The following DENND4A variants were observed in gnomAD, a reference collection of about 807,000 sequenced individuals.
DENND4A encodes DENN domain containing 4A, also known as C-myc promoter-binding protein.
In DENND4A, 70 loss-of-function variants were observed where a neutral mutation model predicts 199.3. The ratio of observed to expected loss-of-function variants is 0.35; its 90% CI spans 0.29 to 0.43. DENND4A has a LOEUF of 0.43. DENND4A is among the 20% of genes least tolerant of loss of function. DENND4A has a pLI of 1.00. For synonymous variants in DENND4A, 686 were observed against 766.9 expected (o/e 0.89, Z 1.74); for missense variants, 1,723 against 2,255.8 (o/e 0.76, Z 4.78).
rs780618494 is a variant in DENND4A, at chr15:65,691,142, C to A, written c.3452G>T (p.Gly1151Val). 2 of 1,613,332 alleles carry A rather than the reference C, an allele frequency of 1.2e-6. No individual in the cohort carries two copies. The highest frequency in any genetic ancestry group is 1.7e-6 in the Non-Finnish European group (2 of 1,179,716). The change falls in exon 23 of 33, where the codon GGT (glycine) becomes GTT (valine). Residue 1151 changes from glycine (G) to valine (V), a missense_variant. Gly to Val is a moderately radical substitution (Grantham distance 109). Coordinates refer to ENST00000443035, the MANE Select transcript of DENND4A (RefSeq NM_001320835.1). ...ESSDDDTPFDGSNYLADKVDS... is the reference protein window; with the variant it reads ...ESSDDDTPFDVSNYLADKVDS... The stretch of plus-strand genomic sequence containing the variant: ...CACTTTATCTGCCAAATAGTTAGAA[C>A]CATCAAAAGGTGTATCATCATCACT...
chr15:65,674,586 C>T (rs2076315497), intron 24 of DENND4A, among the ~76,000 whole-genome samples: 1 of 151,980 alleles, frequency 6.6e-6, no homozygotes, highest in Admixed American at 6.6e-5. Flanking sequence ...GATCCCATCT[C>T]TACAAAAAAA....
At chr15:65,733,765 T>C (rs988659187) in intron 7 of DENND4A, among the ~76,000 whole-genome samples, 72 of 152,354 alleles carry the variant, frequency 4.7e-4, no homozygotes, top group African/African-American at 1.7e-3. Flanking sequence ...CTTGAGATTC[T>C]GTTAATCTAT....
At chr15:65,664,985 A>T (rs1165288655) in intron 30 of DENND4A, 1 of 463,512 alleles carries the variant, frequency 2.2e-6, no homozygotes, top group Non-Finnish European at 3.7e-6. Flanking sequence ...GAAAATTCTA[A>T]ATCAGCAGCC....
At chr15:65,684,184 C>T (rs999837380) in intron 23 of DENND4A, among the ~76,000 whole-genome samples, 2 of 152,194 alleles carry the variant, frequency 1.3e-5, no homozygotes, top group African/African-American at 4.8e-5. Context: ...TGATTATTCA[C>T]ATAAAATCTT....
chr15:65,691,639 GATACT>G (rs2076973359), intron 22 of DENND4A, 128 bp from the exon 23 acceptor site: 2 of 936,426 alleles, frequency 2.1e-6, no homozygotes, highest in East Asian at 2.7e-5. Flanking sequence ...CTATTTGACA[GATACT>G]ATACTAAACA....
chr15:65,706,783 A>C (rs2075076973), intron 14 of DENND4A, among the ~76,000 whole-genome samples: 1 of 152,296 alleles, frequency 6.6e-6, no homozygotes, highest in East Asian at 1.9e-4. Flanking sequence ...CGTGAGCCAC[A>C]GCGCCCGGCC....
At chr15:65,719,159 T>A (rs895362457) in intron 12 of DENND4A, 7 of 151,958 alleles carry the variant, frequency 4.6e-5, no homozygotes, top group African/African-American at 1.7e-4. Context: ...TTTTATATAA[T>A]ACATATATAT....
In DENND4A at chr15:65,738,699, A is replaced by C. The variant is rs1385743164; in HGVS notation, c.801+7T>G. Reference sequence around the variant, plus strand: ...TTTGTAGATACAATTTGTCAAACACATAATACCTTTTCAGCTGAGGCTCCA... The same window carrying C: ...TTTGTAGATACAATTTGTCAAACACCTAATACCTTTTCAGCTGAGGCTCCA... On this transcript the variant is annotated splice_region_variant and intron_variant, in intron 6 of 32. Transcript: ENST00000443035. 6.2e-7 allele frequency: 1 copy of C among 1,606,670 alleles called. No homozygotes were observed. Among genetic ancestry groups the C allele is most frequent in the African/African-American group, 1.3e-5 (1 of 74,648 alleles).
intron 11 of DENND4A, chr15:65,727,770 T>C: frequency 2.9e-6 from 1 of 339,084 alleles, no homozygotes; most frequent in Non-Finnish European, 5.6e-6. Context: ...TCCTCTTCCC[T>C]GAATAGATTA....
intron 11 of DENND4A, among the ~76,000 whole-genome samples, chr15:65,726,646 G>A (rs1314386579): frequency 1.3e-5 from 2 of 152,180 alleles, no homozygotes; most frequent in African/African-American, 4.8e-5. Flanking sequence ...TGTGACATGT[G>A]ACAAGACTGA....
chr15:65,665,347 T>C lies in DENND4A; in HGVS notation c.5357A>G (p.His1786Arg). ...CAGCATTCTATGATGGCACTTACTG[T>C]GTGCATTCCAGAGAATGTACAAGGG... The part of the protein sequence containing the change: ...GQPLYILWNA[H>R]TQKYPMVHLL... The change falls in exon 30 of 33, where the codon CAC becomes CGC. Residue 1786 changes from histidine (H) to arginine (R), a missense_variant and splice_region_variant. His to Arg is a conservative substitution (Grantham distance 29). Around this residue, in one of 6 missense-constraint regions of DENND4A, gnomAD observed 164 missense variants for 280.1 expected, o/e 0.59. Transcript: ENST00000443035. 6.2e-7 allele frequency: 1 copy of C among 1,611,242 alleles called. No individual in the cohort carries two copies. Among genetic ancestry groups the C allele is most frequent in the South Asian group, 1.1e-5 (1 of 90,846 alleles).
intron 29 of DENND4A, among the ~76,000 whole-genome samples, chr15:65,666,469 C>T (rs1290639695): frequency 4.6e-5 from 7 of 152,174 alleles, no homozygotes; most frequent in Admixed American, 4.6e-4. Context: ...CATCATGCTA[C>T]TCAGAACAGC....
At position 65,670,084 on chromosome 15, in the gene DENND4A, T is replaced by G; in HGVS notation, c.4569A>C (p.Thr1523=). ...AGAAGATATTGCCACAGAATGGGCA[T>G]GTAGTATTGAGATTTGAATCATCTG... is the stretch of plus-strand genomic sequence containing the variant. The part of the protein sequence containing the change: ...WTADDSNLNT[T]CPFCGNIFLP... Residue 1523 remains threonine, a synonymous_variant, in exon 26 of 33, where the codon ACA becomes ACC. Coordinates refer to ENST00000443035, the MANE Select transcript of DENND4A (RefSeq NM_001320835.1). The G allele has an allele frequency of 6.2e-7, 1 of 1,607,084 alleles. No homozygotes were observed. Among genetic ancestry groups the G allele is most frequent in the South Asian group, 1.1e-5 (1 of 89,940 alleles).
At chr15:65,692,164 A>C (rs2076995730) in intron 22 of DENND4A, among the ~76,000 whole-genome samples, 1 of 152,036 alleles carries the variant, frequency 6.6e-6, no homozygotes, top group African/African-American at 2.4e-5. Flanking sequence ...ACATGAAACA[A>C]AATAGAAGTA....
rs2142071989 is a variant in DENND4A at position 65,691,057 on chromosome 15, T to C, written c.3537A>G (p.Ala1179=). 6.2e-7 allele frequency: 1 copy of C among 1,613,016 alleles called. No homozygotes were observed. The highest frequency in any genetic ancestry group is 8.5e-7 in the Non-Finnish European group (1 of 1,179,468). ...DLDSETDVSK[A]GCVATQNPKR... ...TGGGATTTTGTGTAGCAACACATCCTGCTTTTGATACATCTGTTTCACTGT... is the reference window on the plus strand; with the variant it reads ...TGGGATTTTGTGTAGCAACACATCCCGCTTTTGATACATCTGTTTCACTGT... The change falls in exon 23 of 33, where the codon GCA becomes GCG. Residue 1179 remains alanine (A), a synonymous_variant. Transcript: ENST00000443035.
chr15:65,700,761 T>A, intron 19 of DENND4A, 86 bp from the exon 20 acceptor site: 1 of 1,333,216 alleles, frequency 7.5e-7, no homozygotes, highest in Non-Finnish European at 9.9e-7. Flanking sequence ...TCCACCAATG[T>A]AATACTGAAC....
chr15:65,681,080 A>C (rs537813176), intron 23 of DENND4A: 10 of 152,214 alleles, frequency 6.6e-5, no homozygotes, highest in Non-Finnish European at 1.3e-4. Context: ...ATGCTGTCTG[A>C]CAACTTTCTT....
intron 12 of DENND4A, among the ~76,000 whole-genome samples, chr15:65,720,947 T>TTTTATATATATATATATATATATATATA (rs1435137020): frequency 1.2e-4 from 9 of 76,248 alleles, no homozygotes; most frequent in African/African-American, 4.2e-4. Flanking sequence ...GTTTCATTGA[T>TTTTATATATATATATATATATATATATA]TATATATATA....
At chr15:65,771,960 A>G in intron 1 of DENND4A, 2 of 1,571,202 alleles carry the variant, frequency 1.3e-6, no homozygotes, top group Non-Finnish European at 1.7e-6. Context: ...CATCACCACT[A>G]TCTTTCGTAA....
Sources: gnomAD v4.1 joint callset for allele counts (sites outside exome capture counted in the v4.1 genomes callset) on GRCh38, gnomAD v4.1.1 for gene constraint, gnomAD v4.1.1 regional missense constraint, MANE v1.5 for transcripts, NCBI Gene and HGNC (gene_info 2026-07-23, HGNC 2026-07-21) for gene names.